Variants in SLAIN1 observed in about 807,000 individuals in gnomAD.
SLAIN1 encodes SLAIN family member 1.
SLAIN1 carries 17 observed loss-of-function variants against 55.4 expected under a neutral mutation model. That is an observed-to-expected ratio of 0.31 (90% CI 0.21 to 0.46). The LOEUF is 0.46. SLAIN1 is among the 20% of genes least tolerant of loss of function. The pLI is 1.00. For missense variants in SLAIN1, 682 were observed against 785.1 expected (o/e 0.87, Z 1.57); for synonymous variants, 348 against 337.4 (o/e 1.03, Z -0.35).
chr13:77,708,116 A>G (rs1055716543), intron 1 of SLAIN1, among the ~76,000 whole-genome samples: 4 of 152,248 alleles, frequency 2.6e-5, no homozygotes, highest in Non-Finnish European at 5.9e-5. Context: ...AACATGGCAT[A>G]GTGGGTCACT....
At chr13:77,700,966 TAAAAA>T (rs552711200) in intron 1 of SLAIN1, among the ~76,000 whole-genome samples, 1 of 152,098 alleles carries the variant, frequency 6.6e-6, no homozygotes, top group Non-Finnish European at 1.5e-5. Context: ...TCCTTCAAGA[TAAAAA>T]AATATAATTA....
intron 4 of SLAIN1, among the ~76,000 whole-genome samples, chr13:77,751,499 A>G (rs1036604583): frequency 2.0e-5 from 3 of 152,206 alleles, no homozygotes; most frequent in African/African-American, 7.2e-5. Context: ...GGTATCCCCA[A>G]CAGCTCACAG....
intron 2 of SLAIN1, among the ~76,000 whole-genome samples, chr13:77,720,999 AG>A (rs1167354440): frequency 6.6e-6 from 1 of 152,194 alleles, no homozygotes; most frequent in Non-Finnish European, 1.5e-5. Flanking sequence ...CGGAGGCTGT[AG>A]TATTCATTCT....
intron 1 of SLAIN1, among the ~76,000 whole-genome samples, chr13:77,717,875 A>G (rs143407583): frequency 6.4e-4 from 97 of 152,288 alleles, no homozygotes; most frequent in African/African-American, 2.2e-3. Flanking sequence ...ATTTTGAGGC[A>G]TGAGACATTG....
chr13:77,724,619 G>A (rs1475255989), intron 2 of SLAIN1, among the ~76,000 whole-genome samples: 1 of 152,120 alleles, frequency 6.6e-6, no homozygotes, highest in Non-Finnish European at 1.5e-5. Flanking sequence ...GTCAATGATG[G>A]TTAATTGACA....
intron 2 of SLAIN1, among the ~76,000 whole-genome samples, chr13:77,736,600 C>T (rs1228753882): frequency 6.6e-6 from 1 of 152,030 alleles, no homozygotes; most frequent in Non-Finnish European, 1.5e-5. Flanking sequence ...TCTTCAAAGA[C>T]TTTTTCCTCA....
At chr13:77,731,363 A>G (rs186602554) in intron 2 of SLAIN1, among the ~76,000 whole-genome samples, 1 of 152,332 alleles carries the variant, frequency 6.6e-6, no homozygotes, top group East Asian at 1.9e-4. Context: ...TTTTCAAACT[A>G]TAATCCTGTA....
chr13:77,756,124 A>T (rs1874583126), intron 5 of SLAIN1, among the ~76,000 whole-genome samples: 1 of 152,080 alleles, frequency 6.6e-6, no homozygotes. Flanking sequence ...CAGTTGTAAA[A>T]TTAGGATTAT....
chr13:77,753,917 TG>T (rs1874415744), intron 5 of SLAIN1, among the ~76,000 whole-genome samples: 1 of 152,212 alleles, frequency 6.6e-6, no homozygotes. Context: ...CCCCACATTC[TG>T]TTACTTACTT....
At chr13:77,722,672 C>T (rs1566228616) in intron 2 of SLAIN1, among the ~76,000 whole-genome samples, 1 of 152,070 alleles carries the variant, frequency 6.6e-6, no homozygotes, top group Non-Finnish European at 1.5e-5. Context: ...CTTTTACTAC[C>T]TTTAGGGGAC....
chr13:77,711,360 C>G (rs187209227), intron 1 of SLAIN1, among the ~76,000 whole-genome samples: 176 of 152,128 alleles, frequency 1.2e-3, no homozygotes, highest in African/African-American at 4.0e-3. Flanking sequence ...AGAGAAGAAT[C>G]AAATACACAC....
chr13:77,756,423 T>C (rs1874613547), intron 5 of SLAIN1, among the ~76,000 whole-genome samples: 1 of 152,174 alleles, frequency 6.6e-6, no homozygotes, highest in Non-Finnish European at 1.5e-5. Context: ...TATGTTTCTA[T>C]AGTTAAATTA....
Position 77,698,528 on chromosome 13 carries a change from C to G in SLAIN1, c.615C>G (p.Asp205Glu). Residue 205 changes from aspartate to glutamate, a missense_variant, in exon 1 of 7, where the codon GAC becomes GAG. Physicochemically the swap from Asp to Glu is conservative, Grantham distance 45 (BLOSUM62 2). Around this residue, in one of 3 missense-constraint regions of SLAIN1, gnomAD observed 401 missense variants for 417.3 expected, o/e 0.96. Coordinates refer to ENST00000418532, the MANE Select transcript of SLAIN1 (RefSeq NM_001242868.2). The surrounding 1 kb of genome is among the most constrained non-coding windows in gnomAD (Gnocchi z 4.1). ...LESVAAWRDE[D>E]DYTWLYIGSS... is the part of the protein sequence containing the mutation. The stretch of plus-strand genomic sequence containing the variant: ...GCGTAGCCGCCTGGCGGGACGAGGA[C>G]GACTACACCTGGTACTGCCTGGCTC... 6.9e-7 allele frequency: 1 copy of G among 1,442,426 alleles called. No homozygotes were observed. The highest frequency in any genetic ancestry group is 9.0e-7 in the Non-Finnish European group (1 of 1,106,030). 89.4% of individuals were successfully genotyped at this position (1,442,426 alleles called of 1,614,324 possible).
At chr13:77,708,554 C>T (rs1279364835) in intron 1 of SLAIN1, among the ~76,000 whole-genome samples, 1 of 152,130 alleles carries the variant, frequency 6.6e-6, no homozygotes, top group Non-Finnish European at 1.5e-5. Flanking sequence ...ACAAAGCTTC[C>T]AGAGGAAGGA....
intron 2 of SLAIN1, among the ~76,000 whole-genome samples, chr13:77,724,780 T>G (rs2154409828): frequency 6.6e-6 from 1 of 152,312 alleles, no homozygotes. Context: ...AGGGTACATG[T>G]GCATGATGGG....
intron 2 of SLAIN1, among the ~76,000 whole-genome samples, chr13:77,739,770 C>T (rs902453787): frequency 6.6e-6 from 1 of 151,980 alleles, no homozygotes; most frequent in South Asian, 2.1e-4. Flanking sequence ...CTGTCGTCTG[C>T]CTTTTTATGA....
intron 5 of SLAIN1, among the ~76,000 whole-genome samples, chr13:77,757,450 T>G (rs925366932): frequency 6.6e-6 from 1 of 152,028 alleles, no homozygotes; most frequent in African/African-American, 2.4e-5. Context: ...TTTTCTTATT[T>G]CAATAGTTTT....
chr13:77,715,019 C>T (rs758436917), intron 1 of SLAIN1, among the ~76,000 whole-genome samples: 20 of 152,102 alleles, frequency 1.3e-4, no homozygotes, highest in Admixed American at 2.6e-4. Flanking sequence ...AGGTGCATGC[C>T]ACCACATGCA....
intron 1 of SLAIN1, chr13:77,699,001 C>A (rs1250847058): frequency 6.5e-7 from 1 of 1,535,068 alleles, no homozygotes; most frequent in East Asian, 2.4e-5. Flanking sequence ...TTTGCGTGCT[C>A]TTCCTCCTCG....
Sources: gnomAD v4.1 joint callset for allele counts (sites outside exome capture counted in the v4.1 genomes callset) on GRCh38, gnomAD v4.1.1 for gene constraint, gnomAD v4.1.1 regional missense constraint, Gnocchi (gnomAD v3.1) non-coding constraint, MANE v1.5 for transcripts, NCBI Gene and HGNC (gene_info 2026-07-23, HGNC 2026-07-21) for gene names.